Variants in GALNT17 observed in about 807,000 individuals in gnomAD.
GALNT17 encodes UDP-GalNAc:polypeptide N-acetylgalactosaminyltransferase-like 3.
In GALNT17, 29 loss-of-function variants were observed where a neutral mutation model predicts 63.7. The observed-to-expected ratio is 0.46, with a 90% CI of 0.34 to 0.62. The LOEUF (loss-of-function observed/expected upper bound fraction) is 0.62, where lower values mean the gene tolerates loss of function less well. GALNT17 is among the 20% of genes least tolerant of loss of function. The probability of loss-of-function intolerance (pLI) is 0.01; values close to 1 mark genes in which losing one functional copy is unlikely to be tolerated. For missense variants in GALNT17, 603 were observed against 799.6 expected (o/e 0.75, Z 2.97); for synonymous variants, 305 against 318.3 (o/e 0.96, Z 0.45).
chr7:71,385,698 A>G (rs1017691520), intron 2 of GALNT17, among the ~76,000 whole-genome samples: 1 of 152,056 alleles, frequency 6.6e-6, no homozygotes, highest in Non-Finnish European at 1.5e-5. Context: ...CTTTGCCCCC[A>G]GCAGGCCATG....
At chr7:71,462,266 C>G (rs188966223) in intron 5 of GALNT17, among the ~76,000 whole-genome samples, 125 of 152,290 alleles carry the variant, frequency 8.2e-4, no homozygotes, top group African/African-American at 2.9e-3. Flanking sequence ...GCCATTCGTT[C>G]CCTCCACTCA....
intron 9 of GALNT17, among the ~76,000 whole-genome samples, chr7:71,679,597 G>A (rs533754369): frequency 3.5e-4 from 54 of 152,182 alleles, no homozygotes; most frequent in African/African-American, 1.1e-3. Flanking sequence ...CGTAACCCAC[G>A]GTGCTGGGGC....
intron 2 of GALNT17, among the ~76,000 whole-genome samples, chr7:71,387,581 C>T (rs1792969604): frequency 6.6e-6 from 1 of 152,122 alleles, no homozygotes; most frequent in South Asian, 2.1e-4. Flanking sequence ...CCACGTCGGC[C>T]TCCCAAATTG....
At chr7:71,603,650 T>C (rs540686512) in intron 6 of GALNT17, among the ~76,000 whole-genome samples, 2 of 150,626 alleles carry the variant, frequency 1.3e-5, no homozygotes, top group South Asian at 4.2e-4. Flanking sequence ...GCTAAGTGCA[T>C]GCACTAAGTA....
intron 2 of GALNT17, among the ~76,000 whole-genome samples, chr7:71,360,503 C>T (rs756506364): frequency 2.0e-5 from 3 of 152,296 alleles, no homozygotes; most frequent in East Asian, 1.9e-4. Flanking sequence ...ATACAAGCCA[C>T]GACAAACTGG....
intron 2 of GALNT17, among the ~76,000 whole-genome samples, chr7:71,343,725 T>G (rs1175612868): frequency 6.6e-6 from 1 of 152,228 alleles, no homozygotes; most frequent in Non-Finnish European, 1.5e-5. Flanking sequence ...GAGTTTATTT[T>G]GGAATATGGT....
chr7:71,369,269 T>C (rs960629979), intron 2 of GALNT17, among the ~76,000 whole-genome samples: 1 of 152,176 alleles, frequency 6.6e-6, no homozygotes, highest in East Asian at 1.9e-4. Context: ...CAAAGATTAG[T>C]GGTCCCTGAC....
At chr7:71,223,382 T>C (rs1008274196) in intron 1 of GALNT17, among the ~76,000 whole-genome samples, 7 of 152,194 alleles carry the variant, frequency 4.6e-5, no homozygotes, top group Non-Finnish European at 1.0e-4. Flanking sequence ...TATGGACTTA[T>C]GAATATTTAT....
chr7:71,495,615 C>G (rs182774535), intron 5 of GALNT17, among the ~76,000 whole-genome samples: 41 of 152,216 alleles, frequency 2.7e-4, no homozygotes, highest in Admixed American at 1.3e-3. Context: ...TCCCCAGTGG[C>G]CAGGCCCCTA....
intron 1 of GALNT17, among the ~76,000 whole-genome samples, chr7:71,279,777 G>T (rs1020625880): frequency 6.7e-6 from 1 of 150,360 alleles, no homozygotes. Context: ...GAAGCGAAAT[G>T]GGGGGCAAAC....
At chr7:71,542,630 G>A (rs4717602) in intron 5 of GALNT17, among the ~76,000 whole-genome samples, 106,419 of 148,904 alleles carry the variant, frequency 0.71, 38,370 homozygotes, top group Non-Finnish European at 0.75. Flanking sequence ...GGGGAGGTGG[G>A]GGTTGCAGTG....
intron 5 of GALNT17, among the ~76,000 whole-genome samples, chr7:71,537,873 G>C (rs1391860861): frequency 3.3e-5 from 5 of 152,108 alleles, no homozygotes; most frequent in Non-Finnish European, 5.9e-5. Context: ...AGAGGAGAAG[G>C]CCATGAGAGG....
intron 5 of GALNT17, among the ~76,000 whole-genome samples, chr7:71,474,468 G>T (rs576382052): frequency 6.6e-6 from 1 of 152,090 alleles, no homozygotes; most frequent in Non-Finnish European, 1.5e-5. Context: ...TGTGTCACAG[G>T]CTTGTTGTGA....
chr7:71,613,088 C>G, intron 6 of GALNT17, among the ~76,000 whole-genome samples: 1 of 152,074 alleles, frequency 6.6e-6, no homozygotes, highest in East Asian at 1.9e-4. Context: ...GTTGTTGGTT[C>G]CAATTAAAAA....
At chr7:71,278,706 G>C (rs972944048) in intron 1 of GALNT17, among the ~76,000 whole-genome samples, 1 of 152,056 alleles carries the variant, frequency 6.6e-6, no homozygotes, top group African/African-American at 2.4e-5. Context: ...GAGCAGAAGG[G>C]GGAAAAGCCC....
chr7:71,368,709 G>A (rs1012508223), intron 2 of GALNT17, among the ~76,000 whole-genome samples: 4 of 152,048 alleles, frequency 2.6e-5, no homozygotes, highest in African/African-American at 9.7e-5. Context: ...TCAACACTTT[G>A]CTTGCCCATA....
chr7:71,634,062 G>A (rs961548265), intron 6 of GALNT17, among the ~76,000 whole-genome samples: 4 of 152,290 alleles, frequency 2.6e-5, no homozygotes, highest in African/African-American at 7.2e-5. Flanking sequence ...GAACCCCTCG[G>A]GCAGTGACAT....
At chr7:71,212,120 G>A (rs962712982) in intron 1 of GALNT17, among the ~76,000 whole-genome samples, 9 of 152,186 alleles carry the variant, frequency 5.9e-5, no homozygotes, top group Non-Finnish European at 1.3e-4. Context: ...CAGAAGCCCA[G>A]GAGGAAAAAG....
chr7:71,138,339 G>C (rs956215045), intron 1 of GALNT17, among the ~76,000 whole-genome samples: 1 of 151,780 alleles, frequency 6.6e-6, no homozygotes, highest in Non-Finnish European at 1.5e-5. Context: ...AAAAAATCAT[G>C]TGGAAGAGAA....
Sources: gnomAD v4.1 joint callset for allele counts (sites outside exome capture counted in the v4.1 genomes callset) on GRCh38, gnomAD v4.1.1 for gene constraint, MANE v1.5 for transcripts, NCBI Gene and HGNC (gene_info 2026-07-23, HGNC 2026-07-21) for gene names.